Variants in NPSR1 observed in about 807,000 individuals in gnomAD.
NPSR1 encodes the protein neuropeptide S receptor.
In NPSR1, 48 loss-of-function variants were observed where a neutral mutation model predicts 46.9. That is an observed-to-expected ratio of 1.02 (90% CI 0.81 to 1.30). The LOEUF (loss-of-function observed/expected upper bound fraction) is 1.30. NPSR1 is among the 50% of genes most tolerant of loss of function. NPSR1 has a pLI of 0.00. For synonymous variants in NPSR1, 176 were observed against 168.1 expected (o/e 1.05, Z -0.36); for missense variants, 450 against 449.5 (o/e 1.00, Z -0.01).
At chr7:34,703,920 CAT>C (rs368889656) in intron 2 of NPSR1, 193 of 152,274 alleles carry the variant, frequency 1.3e-3, no homozygotes, top group South Asian at 6.6e-3. Context: ...AGAAAGAAAA[CAT>C]ATTTTTTGGC....
intron 1 of NPSR1, among the ~76,000 whole-genome samples, chr7:34,660,376 CT>C (rs557051322): frequency 1.3e-5 from 2 of 152,140 alleles, no homozygotes; most frequent in Admixed American, 6.5e-5. Context: ...CTTAGTGTAA[CT>C]TTTTTTCTAT....
At chr7:34,755,405 C>T (rs865798126) in intron 2 of NPSR1, among the ~76,000 whole-genome samples, 1 of 152,156 alleles carries the variant, frequency 6.6e-6, no homozygotes, top group African/African-American at 2.4e-5. Context: ...TAAATAGAAC[C>T]TTACAGTATG....
intron 4 of NPSR1, among the ~76,000 whole-genome samples, chr7:34,825,336 G>C (rs1408946432): frequency 4.6e-5 from 7 of 152,130 alleles, no homozygotes; most frequent in Non-Finnish European, 1.0e-4. Context: ...CTTTCATACT[G>C]TCCTAATCAC....
chr7:34,869,234 C>G (rs1003963691), intron 8 of NPSR1, among the ~76,000 whole-genome samples: 1 of 151,384 alleles, frequency 6.6e-6, no homozygotes, highest in African/African-American at 2.4e-5. Flanking sequence ...CATAACCAAG[C>G]GGAGGCAAAA....
intron 4 of NPSR1, 133 bp downstream of exon 4, chr7:34,811,996 C>A: frequency 1.6e-6 from 1 of 634,672 alleles, no homozygotes. Context: ...TCTCTTCATT[C>A]TCCTCTTCCA....
chr7:34,823,927 A>C (rs547651683), intron 4 of NPSR1, among the ~76,000 whole-genome samples: 23 of 152,282 alleles, frequency 1.5e-4, no homozygotes, highest in South Asian at 4.1e-4. Flanking sequence ...AAGATACCTG[A>C]GCTTTCAACA....
chr7:34,687,828 G>T (rs976109481), intron 2 of NPSR1, among the ~76,000 whole-genome samples: 10 of 152,214 alleles, frequency 6.6e-5, no homozygotes, highest in African/African-American at 2.4e-4. Flanking sequence ...GTATCACATA[G>T]CTGCCAAAGA....
intron 4 of NPSR1, among the ~76,000 whole-genome samples, chr7:34,823,211 T>C (rs2128754306): frequency 6.6e-6 from 1 of 151,980 alleles, no homozygotes; most frequent in South Asian, 2.1e-4. Flanking sequence ...GCCAACATAG[T>C]GAAACCCTGT....
chr7:34,773,258 G>T (rs190123911), intron 2 of NPSR1, among the ~76,000 whole-genome samples: 175 of 152,224 alleles, frequency 1.1e-3, no homozygotes, highest in Non-Finnish European at 3.8e-4. Context: ...CCTTTAAGTG[G>T]CACTTCATAT....
At chr7:34,846,794 T>C (rs921701111) in intron 7 of NPSR1, among the ~76,000 whole-genome samples, 1 of 152,216 alleles carries the variant, frequency 6.6e-6, no homozygotes, top group African/African-American at 2.4e-5. Context: ...TCTACAAATT[T>C]CAATATTTAT....
intron 2 of NPSR1, chr7:34,751,171 T>C: frequency 1.9e-6 from 2 of 1,079,886 alleles, no homozygotes. Context: ...AGCATATAGA[T>C]GAGGAGTCCA....
At chr7:34,714,089 G>A (rs1008623455) in intron 2 of NPSR1, among the ~76,000 whole-genome samples, 1 of 152,238 alleles carries the variant, frequency 6.6e-6, no homozygotes, top group South Asian at 2.1e-4. Flanking sequence ...GACTGGCACT[G>A]TTGGCACTGG....
At chr7:34,690,917 G>A (rs559646878) in intron 2 of NPSR1, among the ~76,000 whole-genome samples, 19 of 152,200 alleles carry the variant, frequency 1.2e-4, no homozygotes, top group South Asian at 2.1e-4. Context: ...TCACCAAGAC[G>A]TATAGTCATC....
downstream of NPSR1, among the ~76,000 whole-genome samples, chr7:34,851,143 C>T (rs1396007417): frequency 1.3e-5 from 2 of 151,694 alleles, no homozygotes. Flanking sequence ...TTAAAATCTC[C>T]TTGGCAAAAT....
chr7:34,710,161 T>A (rs1303712196), intron 2 of NPSR1, among the ~76,000 whole-genome samples: 1 of 152,188 alleles, frequency 6.6e-6, no homozygotes, highest in Non-Finnish European at 1.5e-5. Context: ...AGTCTCAAAT[T>A]GCTGTATCCA....
chr7:34,860,064 C>A (rs1414572448), intron 8 of NPSR1, among the ~76,000 whole-genome samples: 1 of 147,238 alleles, frequency 6.8e-6, no homozygotes, highest in Non-Finnish European at 1.5e-5. Flanking sequence ...CCTCTTTCCA[C>A]TAGAGATTTA....
intron 8 of NPSR1, among the ~76,000 whole-genome samples, chr7:34,873,971 T>C (rs890493764): frequency 3.3e-5 from 5 of 151,676 alleles, no homozygotes; most frequent in South Asian, 2.1e-4. Context: ...ACTAAAGTTA[T>C]AACAACTCAT....
At chr7:34,702,644 C>G (rs1264771628) in intron 2 of NPSR1, among the ~76,000 whole-genome samples, 1 of 152,172 alleles carries the variant, frequency 6.6e-6, no homozygotes, top group Non-Finnish European at 1.5e-5. Flanking sequence ...GGATGATTGT[C>G]CCATTATGTA....
At chr7:34,814,462 G>A (rs976551590) in intron 4 of NPSR1, among the ~76,000 whole-genome samples, 5 of 152,238 alleles carry the variant, frequency 3.3e-5, no homozygotes, top group African/African-American at 1.2e-4. Flanking sequence ...TCTGTGGGCA[G>A]GACATAGCTG....
Sources: gnomAD v4.1 joint callset for allele counts (sites outside exome capture counted in the v4.1 genomes callset) on GRCh38, gnomAD v4.1.1 for gene constraint, MANE v1.5 for transcripts, NCBI Gene and HGNC (gene_info 2026-07-23, HGNC 2026-07-21) for gene names.